Variants in BMERB1 observed in about 807,000 individuals in gnomAD.
The protein encoded by BMERB1 is bMERB domain-containing protein 1.
In BMERB1, 12 loss-of-function variants were observed where a neutral mutation model predicts 23.6. The ratio of observed to expected loss-of-function variants is 0.51; its 90% CI spans 0.33 to 0.82. The LOEUF is 0.82. Among genes scored for constraint, BMERB1 ranks in the 40% least tolerant of loss-of-function variants. BMERB1 has a pLI of 0.03. For missense variants in BMERB1, 247 were observed against 255.4 expected, an observed-to-expected ratio of 0.97 and a Z score of 0.22; for synonymous variants, 122 against 96.6, an observed-to-expected ratio of 1.26 and a Z score of -1.54.
At chr16:15,513,366 G>A (rs1362917255) in intron 1 of BMERB1, among the ~76,000 whole-genome samples, 1 of 152,076 alleles carries the variant, frequency 6.6e-6, no homozygotes. Flanking sequence ...AAACCGCCCC[G>A]CCTTCCATGC....
intron 1 of BMERB1, among the ~76,000 whole-genome samples, chr16:15,435,365 C>G (rs995618627): frequency 1.3e-5 from 2 of 152,212 alleles, no homozygotes; most frequent in African/African-American, 4.8e-5. Flanking sequence ...GGGCACAACT[C>G]TAGAAGGCAG....
At chr16:15,448,930 G>A (rs1420694252) in intron 1 of BMERB1, among the ~76,000 whole-genome samples, 1 of 152,202 alleles carries the variant, frequency 6.6e-6, no homozygotes, top group Non-Finnish European at 1.5e-5. Context: ...ATGGGAACCG[G>A]CAGCCAAGTG....
At chr16:15,510,771 G>A (rs575065628) in intron 1 of BMERB1, among the ~76,000 whole-genome samples, 73 of 151,278 alleles carry the variant, frequency 4.8e-4, no homozygotes, top group Admixed American at 2.9e-3. Context: ...GTATGATCTC[G>A]GCTCACTGCA....
At chr16:15,563,520 G>GA (rs892486174) in intron 2 of BMERB1, among the ~76,000 whole-genome samples, 3 of 151,476 alleles carry the variant, frequency 2.0e-5, no homozygotes, top group Admixed American at 6.6e-5. Context: ...TGCCCAGCCA[G>GA]AAAAAAAAAT....
chr16:15,448,795 A>G (rs902021134), intron 1 of BMERB1, among the ~76,000 whole-genome samples: 22 of 152,202 alleles, frequency 1.4e-4, no homozygotes, highest in African/African-American at 5.3e-4. Flanking sequence ...CTGTCTCAAA[A>G]AAAACTGAAA....
Position 15,583,959 on chromosome 16 carries a change from A to C in BMERB1, c.502+721A>C, listed in dbSNP as rs1424614731. ...TTGCAAAGTTTGGTGCATTTCATAG[A>C]AAGAATTGGGTAGCTACTGAGGCTC... On this transcript the variant is annotated intron_variant, in intron 5 of 5. Coordinates refer to ENST00000300006, the MANE Select transcript of BMERB1 (RefSeq NM_033201.3). The C allele has an allele frequency of 5.7e-6, 4 of 696,470 alleles. No individual in the cohort carries two copies. In the African/African-American group the frequency reaches 7.0e-5, roughly 12 times the overall value. The allele number at this position is 696,470 out of a possible 1,614,324, so 43.1% of individuals were successfully genotyped here.
At chr16:15,575,661 G>T (rs964941631) in intron 3 of BMERB1, among the ~76,000 whole-genome samples, 2 of 152,102 alleles carry the variant, frequency 1.3e-5, no homozygotes, top group African/African-American at 2.4e-5. Context: ...CACTCCATAG[G>T]GTGGGAGTGT....
Position 15,560,619 on chromosome 16 carries a change from C to G in BMERB1, c.231-7364C>G, listed in dbSNP as rs180952554. 3.9e-3 allele frequency among the ~76,000 whole-genome samples: 592 copies of G among 151,948 alleles called. 14 individuals are homozygous for G. The highest frequency in any genetic ancestry group is 0.037 in the Admixed American group (571 of 15,238). On this transcript the variant is annotated intron_variant, in intron 2 of 5. Coordinates refer to ENST00000300006, the MANE Select transcript of BMERB1 (RefSeq NM_033201.3). ...CCAGCCTGGGCAACATGGCAAAACC[C>G]CTTCTCTACCAAAAATACAAAAAAT...
intron 5 of BMERB1, among the ~76,000 whole-genome samples, chr16:15,584,677 A>G (rs1038693440): frequency 6.6e-6 from 1 of 152,056 alleles, no homozygotes; most frequent in African/African-American, 2.4e-5. Flanking sequence ...ACTGAACACT[A>G]TTACCTCCCC....
At chr16:15,468,135 C>CTTCT (rs1555506717) in intron 1 of BMERB1, among the ~76,000 whole-genome samples, 1 of 31,044 alleles carries the variant, frequency 3.2e-5, no homozygotes. Flanking sequence ...CTTTCTTCTT[C>CTTCT]TTTTTTTTTT....
At chr16:15,459,146 A>G (rs1427624959) in intron 1 of BMERB1, among the ~76,000 whole-genome samples, 1 of 152,048 alleles carries the variant, frequency 6.6e-6, no homozygotes. Context: ...ACACAAACAA[A>G]CAAAGGAATT....
At chr16:15,563,413 G>T (rs966690973) in intron 2 of BMERB1, among the ~76,000 whole-genome samples, 1 of 151,860 alleles carries the variant, frequency 6.6e-6, no homozygotes, top group African/African-American at 2.4e-5. Context: ...TAGAGACGGG[G>T]TTTCACCATG....
chr16:15,459,141 A>C lies in BMERB1; in HGVS notation c.106+24382A>C, dbSNP rs566575354. 4.6e-5 allele frequency among the ~76,000 whole-genome samples: 7 copies of C among 152,140 alleles called. No homozygotes were observed. In the South Asian group the frequency reaches 1.2e-3, roughly 27 times the overall value. On this transcript the variant is annotated intron_variant, in intron 1 of 5. Coordinates refer to ENST00000300006, the MANE Select transcript of BMERB1 (RefSeq NM_033201.3). ...AACAAACAAACAAAACACACACACA[A>C]ACAAACAAAGGAATTAAAATGGCAC...
At chr16:15,556,880 G>A (rs929558707) in intron 2 of BMERB1, among the ~76,000 whole-genome samples, 2 of 152,110 alleles carry the variant, frequency 1.3e-5, no homozygotes, top group Admixed American at 6.5e-5. Context: ...CACCGCGCCC[G>A]GCCCAGACAT....
intron 1 of BMERB1, among the ~76,000 whole-genome samples, chr16:15,443,581 C>T (rs762449724): frequency 2.0e-5 from 3 of 151,734 alleles, no homozygotes; most frequent in East Asian, 1.9e-4. Flanking sequence ...AAAAATCCAC[C>T]GCAACTTATA....
chr16:15,559,921 C>G (rs1338316252), intron 2 of BMERB1, among the ~76,000 whole-genome samples: 1 of 151,980 alleles, frequency 6.6e-6, no homozygotes, highest in Non-Finnish European at 1.5e-5. Flanking sequence ...GTAACAATAG[C>G]TGATGAGCTT....
chr16:15,570,670 A>G (rs1484403027), intron 3 of BMERB1, among the ~76,000 whole-genome samples: 1 of 152,164 alleles, frequency 6.6e-6, no homozygotes, highest in African/African-American at 2.4e-5. Flanking sequence ...TAAGAAAGCA[A>G]AGGAATAAAA....
At chr16:15,553,790 C>G (rs992710291) in intron 2 of BMERB1, among the ~76,000 whole-genome samples, 2 of 152,178 alleles carry the variant, frequency 1.3e-5, no homozygotes, top group Admixed American at 1.3e-4. Flanking sequence ...GATTGAGGAG[C>G]AAACGCATCT....
intron 2 of BMERB1, among the ~76,000 whole-genome samples, chr16:15,557,425 A>T (rs2030294177): frequency 6.6e-6 from 1 of 152,176 alleles, no homozygotes; most frequent in Admixed American, 6.5e-5. Flanking sequence ...CTTTGCATGA[A>T]CTATTCACAT....
Sources: allele counts gnomAD v4.1 joint callset (sites outside exome capture counted in the v4.1 genomes callset), GRCh38; gene constraint gnomAD v4.1.1; transcripts MANE v1.5; gene names NCBI Gene and HGNC (gene_info 2026-07-23, HGNC 2026-07-21).